LMNTD1: variants seen among roughly 807,000 people sequenced by gnomAD.
The protein encoded by LMNTD1 is lamin tail domain containing 1.
Under a neutral mutation model 50.9 loss-of-function variants are expected in LMNTD1, and 35 were observed. The ratio of observed to expected loss-of-function variants is 0.69; its 90% CI spans 0.53 to 0.91. The LOEUF (loss-of-function observed/expected upper bound fraction) is 0.91, where lower values mean the gene tolerates loss of function less well. LMNTD1 is among the 40% of genes least tolerant of loss of function. The pLI, the probability that LMNTD1 is intolerant of heterozygous loss-of-function variation, is 0.00. For missense variants in LMNTD1, 470 were observed against 475.5 expected, an observed-to-expected ratio of 0.99 and a Z score of 0.11; for synonymous variants, 153 against 161.9, an observed-to-expected ratio of 0.94 and a Z score of 0.42.
At position 25,597,837 on chromosome 12, in the gene LMNTD1, G is replaced by A. The variant is rs981269948; in HGVS notation, c.58+50657C>T. 1.7e-4 allele frequency among the ~76,000 whole-genome samples: 26 copies of A among 152,200 alleles called. 1 individual carries two copies. Among genetic ancestry groups the A allele is most frequent in the African/African-American group, 6.3e-4 (26 of 41,538 alleles). On this transcript the variant is annotated intron_variant, in intron 1 of 7. Transcript: ENST00000445693. Reference sequence around the variant, plus strand: ...ATGGAATAAAACTATACATTAATAAGAGAAATTTTGGAAATTATACAAATA... The same window carrying A: ...ATGGAATAAAACTATACATTAATAAAAGAAATTTTGGAAATTATACAAATA...
intron 1 of LMNTD1, among the ~76,000 whole-genome samples, chr12:25,613,685 A>G (rs1026714649): frequency 2.6e-5 from 4 of 152,230 alleles, no homozygotes; most frequent in African/African-American, 9.7e-5. Context: ...GATTGAATGC[A>G]TGCATAAATT....
intron 9 of LMNTD1, among the ~76,000 whole-genome samples, chr12:25,483,686 CA>C (rs1420075242): frequency 3.3e-5 from 5 of 151,362 alleles, no homozygotes; most frequent in Non-Finnish European, 2.9e-5. Context: ...GTTGAAGCAT[CA>C]TTTGAACTCA....
intron 9 of LMNTD1, among the ~76,000 whole-genome samples, chr12:25,487,391 G>C (rs1354073783): frequency 3.0e-5 from 4 of 133,006 alleles, no homozygotes; most frequent in Non-Finnish European, 6.4e-5. Flanking sequence ...TTATGTAATG[G>C]CCTTCTTTGT....
intron 8 of LMNTD1, among the ~76,000 whole-genome samples, chr12:25,511,519 T>G (rs1034035958): frequency 1.3e-5 from 2 of 152,186 alleles, no homozygotes; most frequent in African/African-American, 4.8e-5. Flanking sequence ...ATTAGCCTCA[T>G]AAATCAGAAG....
intron 1 of LMNTD1, among the ~76,000 whole-genome samples, chr12:25,564,791 A>T (rs1944484701): frequency 1.3e-5 from 2 of 152,084 alleles, no homozygotes; most frequent in South Asian, 4.1e-4. Context: ...TGTTGATTTT[A>T]TGTCTGGAAG....
intron 1 of LMNTD1, among the ~76,000 whole-genome samples, chr12:25,617,631 C>T (rs1474572882): frequency 6.6e-6 from 1 of 152,140 alleles, no homozygotes; most frequent in Non-Finnish European, 1.5e-5. Flanking sequence ...ACATTTGAAA[C>T]AGTAAGAATT....
At chr12:25,594,185 G>A (rs549511189) in intron 1 of LMNTD1, among the ~76,000 whole-genome samples, 2 of 152,284 alleles carry the variant, frequency 1.3e-5, no homozygotes, top group African/African-American at 2.4e-5. Context: ...CTAGGACCTA[G>A]ACATCCAAAT....
upstream of LMNTD1, among the ~76,000 whole-genome samples, chr12:25,556,801 T>C (rs1315041067): frequency 6.6e-6 from 1 of 152,186 alleles, no homozygotes; most frequent in Non-Finnish European, 1.5e-5. Flanking sequence ...AAATATTACA[T>C]ATACACAATT....
At chr12:25,599,159 A>G (rs576269516) in intron 1 of LMNTD1, among the ~76,000 whole-genome samples, 1 of 152,194 alleles carries the variant, frequency 6.6e-6, no homozygotes, top group South Asian at 2.1e-4. Context: ...ATGGTTCAAT[A>G]TTTATATATC....
chr12:25,563,886 A>T (rs1008390801), intron 1 of LMNTD1, among the ~76,000 whole-genome samples: 1 of 152,144 alleles, frequency 6.6e-6, no homozygotes. Context: ...TTGCAGTTCA[A>T]TCTCAGACTG....
chr12:25,487,320 A>T (rs1162219129), intron 9 of LMNTD1, among the ~76,000 whole-genome samples: 88 of 134,142 alleles, frequency 6.6e-4, no homozygotes, highest in South Asian at 4.2e-3. Flanking sequence ...GGGTGCTCCT[A>T]TATTGGGTGC....
chr12:25,596,862 C>T (rs916518945), intron 1 of LMNTD1, among the ~76,000 whole-genome samples: 11 of 151,894 alleles, frequency 7.2e-5, no homozygotes, highest in African/African-American at 2.4e-4. Context: ...CTTTTCAAGA[C>T]ATAGTACAAT....
intron 1 of LMNTD1, among the ~76,000 whole-genome samples, chr12:25,587,344 G>A (rs1945560777): frequency 6.6e-6 from 1 of 152,232 alleles, no homozygotes. Context: ...TGCAAGCTGT[G>A]CAGGAAGCAT....
rs1310002973 is a variant in LMNTD1, at chr12:25,487,392, C to T, written c.*23-10932G>A. On this transcript the variant is annotated intron_variant, in intron 9 of 9. Transcript: ENST00000458174. ...TGATCCCTTTACCATTATGTAATGG[C>T]CTTCTTTGTCTCTTTTGATCTTTGT... is the stretch of plus-strand genomic sequence containing the variant. 5.2e-5 allele frequency among the ~76,000 whole-genome samples: 7 copies of T among 133,484 alleles called. No homozygotes were observed. The South Asian group carries it at 1.7e-3, about 32-fold the overall frequency. The allele number at this position is 133,484 out of a possible 152,430, so 87.6% of individuals were successfully genotyped here.
At position 25,520,023 on chromosome 12, in the gene LMNTD1, T is replaced by A. The variant is rs1388891735; in HGVS notation, c.851A>T (p.Asp284Val). Residue 284 changes from aspartate to valine, a missense_variant, in exon 7 of 10, where the codon GAT becomes GTT. Asp to Val is a radical substitution (Grantham distance 152). Coordinates refer to ENST00000458174, the MANE Select transcript of LMNTD1 (RefSeq NM_001145728.2). The stretch of plus-strand genomic sequence containing the variant: ...ACATCTGTTAAATTCAACGTCAGCA[T>A]CTAATTTTTCCCACGCTTGCTTCCA... ...IHWKQAWEKL[D>V]ADVEFNRCSV... 6.2e-7 allele frequency: 1 copy of A among 1,613,494 alleles called. No individual in the cohort carries two copies. The highest frequency in any genetic ancestry group is 1.3e-5 in the African/African-American group (1 of 74,832).
chr12:25,556,933 G>C (rs1324528367), upstream of LMNTD1, among the ~76,000 whole-genome samples: 1 of 152,146 alleles, frequency 6.6e-6, no homozygotes, highest in Non-Finnish European at 1.5e-5. Flanking sequence ...AAAATGTCTT[G>C]TGTGAATGAA....
Position 25,579,788 on chromosome 12 carries a change from T to C in LMNTD1, c.59-33234A>G, listed in dbSNP as rs565278455. ...CAACCAACCACTACATATTATCAAA[T>C]GCCTCTTGCATCCATCCCCTTCTCT... On this transcript the variant is annotated intron_variant, in intron 1 of 7. Coordinates refer to the LMNTD1 transcript ENST00000445693. Among the ~76,000 whole-genome samples the C allele has an allele frequency of 1.7e-4, 26 of 152,244 alleles. No homozygotes were observed. The Middle Eastern group carries it at 0.01, about 60-fold the overall frequency.
chr12:25,484,330 T>C (rs1938543049), intron 9 of LMNTD1, among the ~76,000 whole-genome samples: 2 of 151,852 alleles, frequency 1.3e-5, no homozygotes, highest in Admixed American at 1.3e-4. Context: ...AACTCCTGAG[T>C]TCAAACAAAC....
intron 1 of LMNTD1, among the ~76,000 whole-genome samples, chr12:25,577,545 C>T (rs1412196353): frequency 1.3e-5 from 2 of 152,148 alleles, no homozygotes; most frequent in Non-Finnish European, 2.9e-5. Context: ...TACCCTGAGA[C>T]TTTGCTGAAG....
Sources: allele counts gnomAD v4.1 joint callset (sites outside exome capture counted in the v4.1 genomes callset), GRCh38; gene constraint gnomAD v4.1.1; transcripts MANE v1.5; gene names NCBI Gene and HGNC (gene_info 2026-07-23, HGNC 2026-07-21).